The following BRD10 variants were observed in gnomAD, a reference collection of about 807,000 sequenced individuals.
BRD10 encodes uncharacterized bromodomain-containing protein 10.
the BRD10 span, among the ~76,000 whole-genome samples, chr9:5,942,793 A>G: frequency 6.6e-6 from 1 of 152,232 alleles, no homozygotes; most frequent in Non-Finnish European, 1.5e-5. Flanking sequence ...ATACAAATCA[A>G]ATCAACTAAA....
At chr9:5,986,053 C>T in the BRD10 span, among the ~76,000 whole-genome samples, 1 of 152,104 alleles carries the variant, frequency 6.6e-6, no homozygotes, top group Non-Finnish European at 1.5e-5. Flanking sequence ...TGGTGGTTTG[C>T]TGCACCTATC....
chr9:5,922,382 T>C, the BRD10 span: 15 of 1,614,012 alleles, frequency 9.3e-6, no homozygotes, highest in Non-Finnish European at 1.2e-5. Flanking sequence ...TGCCTCACTC[T>C]GGCTAGTCTT....
the BRD10 span, among the ~76,000 whole-genome samples, chr9:5,902,774 T>C: frequency 6.6e-6 from 1 of 152,164 alleles, no homozygotes; most frequent in South Asian, 2.1e-4. Flanking sequence ...CCCAAAGTAC[T>C]GGCATTATAG....
chr9:5,894,337 C>A, the BRD10 span, among the ~76,000 whole-genome samples: 1 of 152,048 alleles, frequency 6.6e-6, no homozygotes, highest in African/African-American at 2.4e-5. The surrounding 1 kb of genome is among the most constrained non-coding windows in gnomAD (Gnocchi z 4.0). Flanking sequence ...ATATAAGAAG[C>A]TGGTTAAACA....
At chr9:5,919,726 A>G in the BRD10 span, 8 of 1,612,706 alleles carry the variant, frequency 5.0e-6, no homozygotes, top group Admixed American at 6.7e-5. Flanking sequence ...CCGACGACTG[A>G]AAAGCAGGGA....
At chr9:5,921,070 T>C in the BRD10 span, 1 of 1,613,960 alleles carries the variant, frequency 6.2e-7, no homozygotes, top group Admixed American at 1.7e-5. Context: ...AAGAAACCAC[T>C]GATTCATTAA....
At chr9:5,894,435 G>C in the BRD10 span, among the ~76,000 whole-genome samples, 6 of 152,176 alleles carry the variant, frequency 3.9e-5, no homozygotes, top group African/African-American at 1.4e-4. This position sits in a 1 kb window ranked among gnomAD's most constrained non-coding sequence, Gnocchi z 4.0. Context: ...CCCGTGTCTG[G>C]GGTAACAAAC....
At chr9:5,952,067 C>G in the BRD10 span, among the ~76,000 whole-genome samples, 2 of 151,104 alleles carry the variant, frequency 1.3e-5, no homozygotes, top group African/African-American at 4.9e-5. Flanking sequence ...ATTGCCCAGC[C>G]TGGAGTGCAA....
chr9:5,986,728 A>C, the BRD10 span, among the ~76,000 whole-genome samples: 1 of 152,256 alleles, frequency 6.6e-6, no homozygotes, highest in Non-Finnish European at 1.5e-5. Context: ...TATCATAGTT[A>C]CTATGATATT....
the BRD10 span, among the ~76,000 whole-genome samples, chr9:5,951,588 A>C: frequency 6.6e-6 from 1 of 152,212 alleles, no homozygotes; most frequent in Non-Finnish European, 1.5e-5. Flanking sequence ...GAACAAAACA[A>C]ATAATTTACA....
chr9:5,967,871 T>C, the BRD10 span: 1 of 586,828 alleles, frequency 1.7e-6, no homozygotes, highest in African/African-American at 1.9e-5. Flanking sequence ...TTTAACACAT[T>C]GAATATAAAA....
the BRD10 span, among the ~76,000 whole-genome samples, chr9:5,987,940 T>C: frequency 6.6e-6 from 1 of 152,164 alleles, no homozygotes; most frequent in Non-Finnish European, 1.5e-5. Flanking sequence ...ATCCAGGATA[T>C]TAATTCCAAT....
At chr9:5,982,643 T>C in the BRD10 span, among the ~76,000 whole-genome samples, 1 of 152,234 alleles carries the variant, frequency 6.6e-6, no homozygotes, top group Admixed American at 6.5e-5. Flanking sequence ...CTCCCTGACC[T>C]TGGACTTCAC....
chr9:5,989,695 A>G, the BRD10 span, among the ~76,000 whole-genome samples: 1 of 151,882 alleles, frequency 6.6e-6, no homozygotes, highest in Non-Finnish European at 1.5e-5. Context: ...ACGCCTGGCT[A>G]ACTTTTGTAA....
chr9:5,887,669 G>A, the BRD10 span, among the ~76,000 whole-genome samples: 10 of 152,180 alleles, frequency 6.6e-5, no homozygotes, highest in Non-Finnish European at 1.2e-4. Context: ...TCAGGTTGGA[G>A]TTGCTCTCTC....
At chr9:6,005,166 G>C in the BRD10 span, among the ~76,000 whole-genome samples, 1 of 152,234 alleles carries the variant, frequency 6.6e-6, no homozygotes, top group Non-Finnish European at 1.5e-5. Flanking sequence ...TAAGCATTTA[G>C]AAATTTACCT....
chr9:5,980,014 C>CAAAA, the BRD10 span, among the ~76,000 whole-genome samples: 1 of 99,988 alleles, frequency 1.0e-5, no homozygotes. Context: ...GACTCCATCT[C>CAAAA]AAAAAAAAAA....
chr9:5,946,877 A>G, the BRD10 span, among the ~76,000 whole-genome samples: 3 of 152,160 alleles, frequency 2.0e-5, no homozygotes, highest in African/African-American at 7.2e-5. Flanking sequence ...AAACATTTTG[A>G]GATCTTTTAA....
At chr9:5,988,689 C>A in the BRD10 span, 1 of 624,546 alleles carries the variant, frequency 1.6e-6, no homozygotes, top group East Asian at 2.8e-5. Flanking sequence ...AACTTTTTAT[C>A]CTCCCTACAC....
Sources: allele counts gnomAD v4.1 joint callset (sites outside exome capture counted in the v4.1 genomes callset), GRCh38; gene constraint gnomAD v4.1.1; non-coding constraint Gnocchi (gnomAD v3.1); transcripts MANE v1.5; gene names NCBI Gene and HGNC (gene_info 2026-07-23, HGNC 2026-07-21).